The following LRP1B variants were observed in gnomAD, a reference collection of about 807,000 sequenced individuals.
LRP1B encodes low-density lipoprotein receptor-related protein 1B.
In LRP1B, 217 loss-of-function variants were observed where a neutral mutation model predicts 556.6. The ratio of observed to expected loss-of-function variants is 0.39; its 90% CI spans 0.35 to 0.44. LRP1B has a LOEUF of 0.44. LRP1B is among the 20% of genes least tolerant of loss of function. LRP1B has a pLI of 1.00. For synonymous variants in LRP1B, 2,047 were observed against 1,865.8 expected, an observed-to-expected ratio of 1.10 and a Z score of -2.50; for missense variants, 5,053 against 5,620.8, an observed-to-expected ratio of 0.90 and a Z score of 3.23.
At chr2:140,785,959 T>C (rs1276704509) in intron 32 of LRP1B, among the ~76,000 whole-genome samples, 2 of 152,158 alleles carry the variant, frequency 1.3e-5, no homozygotes, top group Admixed American at 6.6e-5. Flanking sequence ...TCAGGAAAGC[T>C]TTACTTCCTC....
chr2:140,452,961 G>T (rs377690424), intron 62 of LRP1B, among the ~76,000 whole-genome samples: 46 of 126,672 alleles, frequency 3.6e-4, no homozygotes, highest in East Asian at 7.1e-4. Context: ...GTGTGTGTGT[G>T]TTTTTTTTTT....
At chr2:140,753,512 C>T (rs1688650967) in intron 35 of LRP1B, among the ~76,000 whole-genome samples, 1 of 152,124 alleles carries the variant, frequency 6.6e-6, no homozygotes, top group African/African-American at 2.4e-5. Flanking sequence ...AGAATGTTGA[C>T]ATGAGAAGCC....
At chr2:140,591,828 T>C (rs62171947) in intron 43 of LRP1B, among the ~76,000 whole-genome samples, 17,188 of 152,200 alleles carry the variant, frequency 0.11, 1,287 homozygotes, top group Admixed American at 0.18. Context: ...ATATACTTAT[T>C]ATTTTTCAGG....
chr2:140,989,688 T>C lies in LRP1B; in HGVS notation c.2645-31A>G, dbSNP rs774756832. The C allele has an allele frequency of 2.5e-6, 4 of 1,607,296 alleles. No individual in the cohort carries two copies. The Admixed American group carries it at 6.7e-5, about 27-fold the overall frequency. ...AGGGAGGGGGAAGCAAGATTAATTA[T>C]TTAAAATTGGATAAAGTTGTGAATA... is the stretch of plus-strand genomic sequence containing the variant. On this transcript the variant is annotated intron_variant, in intron 16 of 90. Coordinates refer to ENST00000389484, the MANE Select transcript of LRP1B (RefSeq NM_018557.3).
chr2:140,451,770 A>ATT (rs139067622), intron 62 of LRP1B, among the ~76,000 whole-genome samples: 4 of 150,978 alleles, frequency 2.6e-5, no homozygotes, highest in African/African-American at 7.3e-5. Flanking sequence ...AAGGCTCAAC[A>ATT]TTTTTTTTTG....
At chr2:142,075,948 G>A (rs1328967326) in intron 1 of LRP1B, among the ~76,000 whole-genome samples, 1 of 152,096 alleles carries the variant, frequency 6.6e-6, no homozygotes, top group Non-Finnish European at 1.5e-5. Context: ...GTACTGCTCT[G>A]TAGGCTTCAA....
chr2:140,353,416 CTAGA>C (rs1217690533), intron 75 of LRP1B, among the ~76,000 whole-genome samples: 2 of 151,866 alleles, frequency 1.3e-5, no homozygotes, highest in African/African-American at 4.8e-5. Context: ...GGTTTGCTAC[CTAGA>C]TAAACTTGTG....
intron 25 of LRP1B, among the ~76,000 whole-genome samples, chr2:140,875,731 A>C (rs1197174486): frequency 6.6e-6 from 1 of 152,162 alleles, no homozygotes; most frequent in Non-Finnish European, 1.5e-5. Flanking sequence ...TATTTGTTAT[A>C]AAAATTATAC....
intron 41 of LRP1B, among the ~76,000 whole-genome samples, chr2:140,660,720 C>A (rs893874447): frequency 5.3e-5 from 8 of 152,058 alleles, no homozygotes; most frequent in Non-Finnish European, 1.5e-5. Flanking sequence ...TTACTAGATA[C>A]ACATTCTCCA....
At chr2:141,202,851 G>A (rs1419006282) in intron 6 of LRP1B, among the ~76,000 whole-genome samples, 1 of 151,890 alleles carries the variant, frequency 6.6e-6, no homozygotes, top group Admixed American at 6.6e-5. Context: ...CCTACATCAG[G>A]TATTTTTCCT....
chr2:140,348,325 A>G (rs933064462), intron 77 of LRP1B, among the ~76,000 whole-genome samples: 1 of 152,088 alleles, frequency 6.6e-6, no homozygotes, highest in Non-Finnish European at 1.5e-5. Flanking sequence ...TGCTTTTATC[A>G]GTTTATCAGT....
rs373521174 is a variant in LRP1B, at chr2:142,130,711, C to A, written c.19G>T (p.Ala7Ser). The A allele has an allele frequency of 6.0e-5, 96 of 1,612,972 alleles. No homozygotes were observed. Among genetic ancestry groups the A allele is most frequent in the Non-Finnish European group, 8.0e-5 (94 of 1,179,566 alleles). Residue 7 changes from alanine (A) to serine (S), a missense_variant, in exon 1 of 91, where the codon GCC becomes TCC. This residue lies in a region of LRP1B where 3,619 missense variants were observed against 3,931.9 expected (regional missense o/e 0.92). Transcript: ENST00000389484. The stretch of plus-strand genomic sequence containing the variant: ...AATAATCCCGAGAGAGTGAGTAAGG[C>A]GAGGAGAAACTCGGACATTGTGGTC... Reference protein sequence around the residue: MSEFLLALLTLSGLLPI... With the variant: MSEFLLSLLTLSGLLPI...
Position 140,315,089 on chromosome 2 carries a change from A to G in LRP1B, c.12651T>C (p.Cys4217=). ...CNDDSLLDDS[C]KLTCENGGRC... Reference sequence around the variant, plus strand: ...TTCCTCCATTTTCACAAGTTAACTTACATGAATCATCTGTTTATGAGAAGA... The same window carrying G: ...TTCCTCCATTTTCACAAGTTAACTTGCATGAATCATCTGTTTATGAGAAGA... The change falls in exon 83 of 91, where the codon TGT becomes TGC. Residue 4217 remains cysteine, a synonymous_variant. Transcript: ENST00000389484. 6.2e-7 allele frequency: 1 copy of G among 1,604,498 alleles called. No homozygotes were observed. Among genetic ancestry groups the G allele is most frequent in the Non-Finnish European group, 8.5e-7 (1 of 1,174,892 alleles).
At chr2:140,536,393 G>T (rs1401203416) in intron 46 of LRP1B, among the ~76,000 whole-genome samples, 188 bp downstream of exon 46, 1 of 143,634 alleles carries the variant, frequency 7.0e-6, no homozygotes, top group East Asian at 2.1e-4. Flanking sequence ...TGAATATCAT[G>T]GCTATCAAAC....
At chr2:140,602,694 G>A (rs1386002221) in intron 41 of LRP1B, among the ~76,000 whole-genome samples, 1 of 151,512 alleles carries the variant, frequency 6.6e-6, no homozygotes, top group Non-Finnish European at 1.5e-5. Context: ...GATTTTGTGG[G>A]AGGGCAAAAC....
chr2:141,124,210 C>A (rs1260467775), intron 7 of LRP1B, among the ~76,000 whole-genome samples: 1 of 152,014 alleles, frequency 6.6e-6, no homozygotes, highest in South Asian at 2.1e-4. Flanking sequence ...AGTAGGTGAT[C>A]TCACCAAATT....
chr2:140,270,166 G>C (rs1392246671), intron 86 of LRP1B, 76 bp downstream of exon 86: 59 of 1,019,546 alleles, frequency 5.8e-5, no homozygotes, highest in Non-Finnish European at 5.7e-5. Flanking sequence ...CCCAGAAAAG[G>C]AGAATAATAG....
At chr2:141,890,842 T>C (rs1371886958) in intron 1 of LRP1B, among the ~76,000 whole-genome samples, 1 of 152,152 alleles carries the variant, frequency 6.6e-6, no homozygotes, top group African/African-American at 2.4e-5. Context: ...AAGTTTTCCA[T>C]GAAGCCACTG....
intron 50 of LRP1B, 87 bp from the exon 51 acceptor site, chr2:140,514,859 T>C (rs1368559503): frequency 4.0e-6 from 5 of 1,245,242 alleles, no homozygotes; most frequent in African/African-American, 1.5e-5. Flanking sequence ...TCTTAGACTT[T>C]GCTAAAATCA....
Sources: allele counts gnomAD v4.1 joint callset (sites outside exome capture counted in the v4.1 genomes callset), GRCh38; gene constraint gnomAD v4.1.1; regional missense constraint gnomAD v4.1.1; transcripts MANE v1.5; gene names NCBI Gene and HGNC (gene_info 2026-07-23, HGNC 2026-07-21).